DMD: variants seen among roughly 807,000 people sequenced by gnomAD.
DMD encodes the protein dystrophin.
Under a neutral mutation model 330.1 loss-of-function variants are expected in DMD, and 63 were observed. The ratio of observed to expected loss-of-function variants is 0.19; its 90% confidence interval spans 0.16 to 0.24. The LOEUF (loss-of-function observed/expected upper bound fraction) is 0.24. DMD is among the 10% of genes least tolerant of loss of function. The pLI, the probability that DMD is intolerant of heterozygous loss-of-function variation, is 1.00. For synonymous variants in DMD, 1,223 were observed against 959.8 expected (o/e 1.27, Z -5.07); for missense variants, 3,344 against 2,684.1 (o/e 1.25, Z -5.43).
At chrX:31,951,063 G>A (rs2095155798) in intron 45 of DMD, among the ~76,000 whole-genome samples, 1 of 97,382 alleles carries the variant, frequency 1.0e-5, no homozygotes, top group Non-Finnish European at 2.0e-5. Context: ...TGTAATATTT[G>A]CATATACCTA....
chrX:32,677,080 CAA>C (rs2062022414), intron 9 of DMD, among the ~76,000 whole-genome samples: 1 of 110,857 alleles, frequency 9.0e-6, no homozygotes, highest in Admixed American at 9.7e-5. Context: ...ATTTCACTGA[CAA>C]ATGAAAATTC....
At chrX:32,474,200 TACATACATACA>T (rs1296396432) in intron 21 of DMD, among the ~76,000 whole-genome samples, 5 of 104,922 alleles carry the variant, frequency 4.8e-5, no homozygotes, top group African/African-American at 1.9e-4. Flanking sequence ...CATATATACA[TACATACATACA>T]CACACACACA....
chrX:31,510,967 G>A (rs1310313885), intron 55 of DMD, among the ~76,000 whole-genome samples: 1 of 111,787 alleles, frequency 8.9e-6, no homozygotes, highest in Non-Finnish European at 1.9e-5. Context: ...CAAGAGCCAT[G>A]TGGACTACTA....
At chrX:33,186,872 T>C (rs1209294102) in intron 1 of DMD, among the ~76,000 whole-genome samples, 1 of 111,742 alleles carries the variant, frequency 8.9e-6, no homozygotes, top group Non-Finnish European at 1.9e-5. Context: ...AAAAGGTTAA[T>C]TATAAAAGAT....
chrX:33,301,873 A>C (rs2053668444), intron 1 of DMD, among the ~76,000 whole-genome samples: 1 of 111,969 alleles, frequency 8.9e-6, no homozygotes, highest in Non-Finnish European at 1.9e-5. Flanking sequence ...ATTAAGTTTC[A>C]ACATATGAAT....
At chrX:32,729,138 A>AT (rs2067233508) in intron 7 of DMD, among the ~76,000 whole-genome samples, 1 of 112,137 alleles carries the variant, frequency 8.9e-6, no homozygotes, top group South Asian at 3.7e-4. Context: ...AAAATCTGTA[A>AT]TTTTTTGAGT....
chrX:32,867,493 C>T (rs1400037505), intron 2 of DMD, among the ~76,000 whole-genome samples: 2 of 111,860 alleles, frequency 1.8e-5, no homozygotes, highest in East Asian at 5.6e-4. Context: ...TAATAGGTAC[C>T]TGACATTTCA....
At chrX:33,004,117 AAT>A (rs2093346172) in intron 2 of DMD, among the ~76,000 whole-genome samples, 1 of 112,245 alleles carries the variant, frequency 8.9e-6, no homozygotes, top group Admixed American at 9.5e-5. Context: ...GTATCAGGAA[AAT>A]ATATGAGTAT....
intron 74 of DMD, among the ~76,000 whole-genome samples, chrX:31,168,001 G>T (rs1445575057): frequency 8.9e-6 from 1 of 112,279 alleles, no homozygotes; most frequent in Admixed American, 9.4e-5. Context: ...GCAAAAGACA[G>T]ATTTCTTCCA....
intron 1 of DMD, among the ~76,000 whole-genome samples, chrX:33,209,116 G>A (rs12391818): frequency 0.19 from 20,818 of 110,376 alleles, 2,257 homozygotes; most frequent in African/African-American, 0.4. Flanking sequence ...AATAGTGTCA[G>A]CCAACACCTT....
chrX:31,388,125 G>A (rs112472060), intron 60 of DMD, among the ~76,000 whole-genome samples: 3 of 106,961 alleles, frequency 2.8e-5, no homozygotes, highest in Non-Finnish European at 5.8e-5. Context: ...TCAGCCTCCC[G>A]AGTAGCTGGG....
At chrX:33,252,593 T>C (rs1308255546) in intron 1 of DMD, among the ~76,000 whole-genome samples, 2 of 105,812 alleles carry the variant, frequency 1.9e-5, no homozygotes, top group Non-Finnish European at 3.8e-5. Flanking sequence ...TCCCTGAGAA[T>C]GTAGGGGATT....
At chrX:33,140,193 G>C (rs1307277873) in intron 1 of DMD, among the ~76,000 whole-genome samples, 1 of 112,328 alleles carries the variant, frequency 8.9e-6, no homozygotes, top group Non-Finnish European at 1.9e-5. Context: ...TGAATTTCAA[G>C]TGGGATTGCC....
chrX:32,412,179 G>A, intron 29 of DMD: 1 of 1,099,442 alleles, frequency 9.1e-7, no homozygotes, highest in Non-Finnish European at 1.2e-6. Flanking sequence ...AAATAGGCTG[G>A]AAAAAAAATT....
intron 11 of DMD, among the ~76,000 whole-genome samples, chrX:32,631,924 A>G (rs1163533988): frequency 2.7e-5 from 3 of 111,098 alleles, no homozygotes; most frequent in Admixed American, 9.6e-5. Context: ...CCAAATCTCA[A>G]GTCCTTCTCA....
intron 55 of DMD, among the ~76,000 whole-genome samples, chrX:31,608,704 G>A: frequency 9.0e-6 from 1 of 111,402 alleles, no homozygotes; most frequent in East Asian, 2.8e-4. Context: ...CAGCCTAGAT[G>A]GACGTGTTCT....
intron 13 of DMD, among the ~76,000 whole-genome samples, chrX:32,582,014 T>G (rs1187455107): frequency 1.8e-5 from 2 of 111,635 alleles, no homozygotes; most frequent in Non-Finnish European, 3.8e-5. Context: ...TGATAAAACC[T>G]CTTAGAATAT....
intron 13 of DMD, among the ~76,000 whole-genome samples, chrX:32,575,215 A>C (rs1168168461): frequency 9.0e-6 from 1 of 111,470 alleles, no homozygotes; most frequent in Non-Finnish European, 1.9e-5. Flanking sequence ...ACCTATTTCT[A>C]AGTGACTAGG....
At chrX:33,052,658 AG>A (rs914575600) in intron 1 of DMD, among the ~76,000 whole-genome samples, 2 of 112,006 alleles carry the variant, frequency 1.8e-5, no homozygotes, top group Admixed American at 1.9e-4. Context: ...ATATATTTTG[AG>A]GGTGCCAGAA....
Sources: gnomAD v4.1 joint callset for allele counts (sites outside exome capture counted in the v4.1 genomes callset) on GRCh38, gnomAD v4.1.1 for gene constraint, MANE v1.5 for transcripts, NCBI Gene and HGNC (gene_info 2026-07-23, HGNC 2026-07-21) for gene names.